MGA: variants seen among roughly 807,000 people sequenced by gnomAD.
MGA encodes the protein MAX gene-associated protein.
A neutral mutation model predicts 261.1 loss-of-function variants in MGA; 40 were observed. The ratio of observed to expected loss-of-function variants is 0.15; its 90% CI spans 0.12 to 0.20. The LOEUF (loss-of-function observed/expected upper bound fraction) is 0.20. MGA is among the 10% of genes least tolerant of loss of function. The pLI, the probability that MGA is intolerant of heterozygous loss-of-function variation, is 1.00. For missense variants in MGA, 3,397 were observed against 3,630.5 expected, an observed-to-expected ratio of 0.94 and a Z score of 1.65; for synonymous variants, 1,302 against 1,290.6, an observed-to-expected ratio of 1.01 and a Z score of -0.19.
chr15:41,677,932 A>G (rs1422490610), intron 2 of MGA, among the ~76,000 whole-genome samples: 1 of 152,046 alleles, frequency 6.6e-6, no homozygotes, highest in Non-Finnish European at 1.5e-5. Flanking sequence ...AATTTTAATG[A>G]AGTACAATTT....
rs555075063 is a variant in MGA, at chr15:41,665,753, C to T, written c.-67-3075C>T. 4.5e-4 allele frequency among the ~76,000 whole-genome samples: 68 copies of T among 152,098 alleles called. No individual in the cohort carries two copies. The South Asian group carries it at 0.011, about 24-fold the overall frequency. ...TTAAAGTATACACCAAAAAGAAATC[C>T]CACACCCATTAGCAGTTAGTCCCAG... On this transcript the variant is annotated intron_variant, in intron 1 of 23. Coordinates refer to ENST00000219905, the MANE Select transcript of MGA (RefSeq NM_001164273.2).
intron 2 of MGA, among the ~76,000 whole-genome samples, chr15:41,670,883 C>G (rs1269759881): frequency 6.6e-6 from 1 of 152,192 alleles, no homozygotes; most frequent in African/African-American, 2.4e-5. Context: ...GGATATCCCT[C>G]AGGCAGTAAA....
At chr15:41,652,327 T>C in intron 1 of MGA, among the ~76,000 whole-genome samples, 1 of 126,748 alleles carries the variant, frequency 7.9e-6, no homozygotes, top group African/African-American at 2.9e-5. Flanking sequence ...TCCCCTCTCT[T>C]CTTTCACCTC....
At chr15:41,763,530 G>GGT (rs370490445) in intron 22 of MGA, among the ~76,000 whole-genome samples, 3 of 151,710 alleles carry the variant, frequency 2.0e-5, no homozygotes, top group African/African-American at 7.2e-5. Context: ...GATCACCTGA[G>GGT]GTTGGGAGTT....
chr15:41,755,756 C>G (rs531714051), intron 18 of MGA, among the ~76,000 whole-genome samples: 2 of 152,334 alleles, frequency 1.3e-5, no homozygotes, highest in African/African-American at 2.4e-5. Flanking sequence ...TGGTGGCTCA[C>G]GCCTGTAATT....
At chr15:41,643,430 TG>T (rs2056867503) in intron 1 of MGA, among the ~76,000 whole-genome samples, 2 of 150,628 alleles carry the variant, frequency 1.3e-5, no homozygotes, top group Non-Finnish European at 3.0e-5. Flanking sequence ...TTAGTAGAGA[TG>T]GGGTTTCACT....
chr15:41,735,413 A>T (rs1471035891), intron 12 of MGA, among the ~76,000 whole-genome samples: 1 of 152,232 alleles, frequency 6.6e-6, no homozygotes, highest in Non-Finnish European at 1.5e-5. Flanking sequence ...AGGTATTTGC[A>T]GTAGAAATTA....
At chr15:41,763,560 A>G (rs1300693800) in intron 22 of MGA, among the ~76,000 whole-genome samples, 1 of 151,888 alleles carries the variant, frequency 6.6e-6, no homozygotes, top group African/African-American at 2.4e-5. Context: ...CCTGACTAAC[A>G]TGGAGAAACC....
At chr15:41,657,033 G>GC (rs1330797201), upstream of MGA, among the ~76,000 whole-genome samples, 4 of 152,170 alleles carry the variant, frequency 2.6e-5, no homozygotes, top group Non-Finnish European at 5.9e-5. Flanking sequence ...TTCTGCCTCT[G>GC]CCTCCCAAAG....
intron 1 of MGA, among the ~76,000 whole-genome samples, chr15:41,625,490 G>A (rs1024509833): frequency 3.3e-5 from 5 of 149,916 alleles, no homozygotes; most frequent in Non-Finnish European, 3.0e-5. Flanking sequence ...CACACTAAAC[G>A]CTTGCTCCTT....
chr15:41,757,883 T>G (rs1462143911), intron 19 of MGA, 44 bp downstream of exon 19: 1 of 1,495,522 alleles, frequency 6.7e-7, no homozygotes, highest in East Asian at 2.3e-5. Context: ...TGAATAAAAT[T>G]GTTAACATTT....
intron 5 of MGA, among the ~76,000 whole-genome samples, chr15:41,704,921 C>T (rs2060030650): frequency 1.3e-5 from 2 of 152,012 alleles, no homozygotes; most frequent in South Asian, 4.1e-4. Context: ...GACATTATAA[C>T]ACATTTTTAA....
intron 18 of MGA, among the ~76,000 whole-genome samples, chr15:41,756,826 T>A (rs2063175922): frequency 6.6e-6 from 1 of 152,188 alleles, no homozygotes; most frequent in Non-Finnish European, 1.5e-5. Flanking sequence ...ACTCCTGGCC[T>A]CAACCAGTCC....
chr15:41,621,843 A>G (rs1383371156), intron 1 of MGA, among the ~76,000 whole-genome samples: 1 of 152,134 alleles, frequency 6.6e-6, no homozygotes, highest in African/African-American at 2.4e-5. Context: ...TGACGGCCTG[A>G]GCGGTCTTTC....
intron 9 of MGA, among the ~76,000 whole-genome samples, chr15:41,719,947 A>T (rs1019869022): frequency 6.6e-6 from 1 of 152,110 alleles, no homozygotes; most frequent in Non-Finnish European, 1.5e-5. Context: ...AAAATTCAAC[A>T]TTTTTTATTT....
intron 1 of MGA, among the ~76,000 whole-genome samples, chr15:41,623,979 T>C (rs1595529223): frequency 1.3e-5 from 2 of 151,952 alleles, no homozygotes; most frequent in East Asian, 3.9e-4. Flanking sequence ...TTGGCCATGC[T>C]GGTCTGGAAT....
At position 41,710,673 on chromosome 15, in the gene MGA, A is replaced by T. The variant is rs761711589; in HGVS notation, c.2426-18A>T. On this transcript the variant is annotated intron_variant, in intron 7 of 23. Transcript: ENST00000219905. ...TGTCCTAGATTTCTTTAAGCATTTT[A>T]TGTTTTCTTATTTCTAGGTGGAAAT... is the stretch of plus-strand genomic sequence containing the variant. The T allele has an allele frequency of 7.0e-5, 111 of 1,578,000 alleles. No individual in the cohort carries two copies. The highest frequency in any genetic ancestry group is 8.7e-5 in the Non-Finnish European group (101 of 1,164,924).
chr15:41,624,037 A>G (rs2056380751), intron 1 of MGA, among the ~76,000 whole-genome samples: 1 of 150,260 alleles, frequency 6.7e-6, no homozygotes, highest in Non-Finnish European at 1.5e-5. Flanking sequence ...AAGTGCTAGG[A>G]TTATAGGCGT....
At chr15:41,676,110 A>G (rs1048220224) in intron 2 of MGA, among the ~76,000 whole-genome samples, 1 of 151,950 alleles carries the variant, frequency 6.6e-6, no homozygotes, top group African/African-American at 2.4e-5. Context: ...TGGCACATAT[A>G]TTTTTCTCAC....
Sources: allele counts gnomAD v4.1 joint callset (sites outside exome capture counted in the v4.1 genomes callset), GRCh38; gene constraint gnomAD v4.1.1; transcripts MANE v1.5; gene names NCBI Gene and HGNC (gene_info 2026-07-23, HGNC 2026-07-21).